The following SLC25A23 variants were observed in gnomAD, a reference collection of about 807,000 sequenced individuals.
SLC25A23 encodes solute carrier family 25 member 23, also known as mitochondrial adenyl nucleotide antiporter SLC25A23.
SLC25A23 carries 32 observed loss-of-function variants against 53.9 expected under a neutral mutation model. The observed-to-expected ratio is 0.59, with a 90% CI of 0.45 to 0.80. The LOEUF (loss-of-function observed/expected upper bound fraction) is 0.80. Ranked by LOEUF, SLC25A23 falls within the 30% of genes least tolerant of loss-of-function variation. The probability of loss-of-function intolerance (pLI) is 0.00; values close to 1 mark genes in which losing one functional copy is unlikely to be tolerated. For missense variants in SLC25A23, 575 were observed against 651.4 expected (o/e 0.88, Z 1.28); for synonymous variants, 275 against 264.5 (o/e 1.04, Z -0.38).
At chr19:6,451,117 T>C (rs2092582812) in intron 8 of SLC25A23, among the ~76,000 whole-genome samples, 2 of 139,512 alleles carry the variant, frequency 1.4e-5, no homozygotes, top group South Asian at 4.6e-4. Context: ...AGGCCTGGCA[T>C]GGTAGTTCAC....
chr19:6,443,689 A>T, intron 9 of SLC25A23: 1 of 690,512 alleles, frequency 1.4e-6, no homozygotes, highest in South Asian at 1.5e-5. Context: ...CAAACACTAA[A>T]ATTCTCAAGA....
Position 6,456,502 on chromosome 19 carries a change from T to G in SLC25A23, c.401A>C (p.Asp134Ala), listed in dbSNP as rs1046835568. 1 of 1,612,544 alleles carries G rather than the reference T, an allele frequency of 6.2e-7. No individual in the cohort carries two copies. Among genetic ancestry groups the G allele is most frequent in the Non-Finnish European group, 8.5e-7 (1 of 1,179,672 alleles). The change falls in exon 4 of 10, where the codon GAC becomes GCC. Residue 134 changes from aspartate (D) to alanine (A), a missense_variant. Coordinates refer to ENST00000301454, the MANE Select transcript of SLC25A23 (RefSeq NM_024103.3). Reference protein sequence around the residue: ...SMDRDGTMTIDWQEWRDHFLL... With the variant: ...SMDRDGTMTIAWQEWRDHFLL... ...GAAGTGGTCGCGCCATTCTTGCCAG[T>G]CAATGGTCATTGTGCCGTCTCGGTC...
At chr19:6,453,903 T>G in intron 7 of SLC25A23, 78 bp downstream of exon 7, 1 of 1,182,012 alleles carries the variant, frequency 8.5e-7, no homozygotes, top group Non-Finnish European at 1.2e-6. Context: ...CAATGGATAT[T>G]GTGAAATGCA....
intron 8 of SLC25A23, among the ~76,000 whole-genome samples, chr19:6,447,560 T>C (rs940161716): frequency 6.6e-6 from 1 of 152,204 alleles, no homozygotes; most frequent in Non-Finnish European, 1.5e-5. Context: ...CTCGGCTCAC[T>C]GCAACCCCAC....
At chr19:6,457,387 C>T (rs2092696791) in intron 3 of SLC25A23, 116 bp downstream of exon 3, 2 of 926,200 alleles carry the variant, frequency 2.2e-6, no homozygotes, top group Admixed American at 2.1e-5. Context: ...GACTTCAAAG[C>T]CCCAACCTCT....
rs755308946 is a variant in SLC25A23, at chr19:6,441,988, AC to A, written c.1393del (p.Val465SerfsTer83). The A allele has an allele frequency of 1.9e-6, 3 of 1,613,552 alleles. No homozygotes were observed. The Admixed American group carries it at 5.0e-5, about 27-fold the overall frequency. ...GCTCCGGGTCCCTCACCTGGACGTG[AC>A]CCCCAAGGCCTGCTTCATGTTCTCG... ...VYENMKQALG[V>X]TSR On this transcript the variant is annotated frameshift_variant, in exon 10 of 10. Transcript: ENST00000301454. LOFTEE classifies it high-confidence loss of function.
rs1269620851 is a variant in SLC25A23, at chr19:6,459,546, C to T, written c.83G>A (p.Arg28His). 4 of 1,599,016 alleles carry T rather than the reference C, an allele frequency of 2.5e-6. No individual in the cohort carries two copies. The highest frequency in any genetic ancestry group is 3.4e-6 in the Non-Finnish European group (4 of 1,177,004). The change falls in exon 1 of 10, where the codon CGC becomes CAC. Residue 28 changes from arginine (R) to histidine (H), a missense_variant. Transcript: ENST00000301454. This position sits in a 1 kb window ranked among gnomAD's most constrained non-coding sequence, Gnocchi z 4.6. ...CTGGCGCAACTCGTGCACGTCCACG[C>T]GGCCATCCTTGTTACTGTCCAGCTC... is the stretch of plus-strand genomic sequence containing the variant. The part of the protein sequence containing the change: ...FEELDSNKDG[R>H]VDVHELRQGL...
chr19:6,452,330 G>A lies in SLC25A23; in HGVS notation c.1053C>T (p.Ile351=), dbSNP rs1337278237. 2 of 1,612,786 alleles carry A rather than the reference G, an allele frequency of 1.2e-6. No homozygotes were observed. Among genetic ancestry groups the A allele is most frequent in the Non-Finnish European group, 1.7e-6 (2 of 1,179,426 alleles). ...NVLGIIPYAG[I]DLAVYETLKN... is the part of the protein sequence containing the mutation. Reference sequence around the variant, plus strand: ...CACAGACCTCGTAGACGGCCAGGTCGATGCCCGCATAGGGGATGATGCCCA... The same window carrying A: ...CACAGACCTCGTAGACGGCCAGGTCAATGCCCGCATAGGGGATGATGCCCA... Residue 351 remains isoleucine (I), a synonymous_variant, in exon 8 of 10, where the codon ATC becomes ATT. Transcript: ENST00000301454.
intron 8 of SLC25A23, among the ~76,000 whole-genome samples, chr19:6,449,777 T>C (rs1435777542): frequency 6.8e-6 from 1 of 147,748 alleles, no homozygotes; most frequent in African/African-American, 2.6e-5. Context: ...CAAGCAATCC[T>C]CCCACCTCGG....
intron 4 of SLC25A23, 89 bp downstream of exon 4, chr19:6,456,331 A>C (rs2092681819): frequency 7.5e-7 from 1 of 1,334,820 alleles, no homozygotes; most frequent in Admixed American, 1.8e-5. Context: ...GTCCTGGTCC[A>C]GCCCATCCAA....
At chr19:6,448,473 A>ATTT (rs72000629) in intron 8 of SLC25A23, among the ~76,000 whole-genome samples, 1 of 140,834 alleles carries the variant, frequency 7.1e-6, no homozygotes, top group African/African-American at 2.6e-5. Context: ...TAATCCCAGC[A>ATTT]TTTTTTTTTT....
chr19:6,458,890 G>A (rs1396951237), intron 1 of SLC25A23, among the ~76,000 whole-genome samples: 1 of 152,212 alleles, frequency 6.6e-6, no homozygotes, highest in Admixed American at 6.5e-5. Flanking sequence ...GGGGCTACAG[G>A]TGTGGGAAGG....
chr19:6,451,374 A>G (rs2092588186), intron 8 of SLC25A23, among the ~76,000 whole-genome samples: 1 of 152,178 alleles, frequency 6.6e-6, no homozygotes. Context: ...GGGCGACAAG[A>G]GCGAGACTCC....
At chr19:6,456,004 C>A (rs929899568) in intron 4 of SLC25A23, 2 of 1,295,106 alleles carry the variant, frequency 1.5e-6, no homozygotes, top group Non-Finnish European at 2.0e-6. Flanking sequence ...TAGGTGTGAG[C>A]CACTGCGCCT....
chr19:6,457,650 G>T, intron 2 of SLC25A23, 60 bp from the exon 3 acceptor site: 1 of 1,451,160 alleles, frequency 6.9e-7, no homozygotes, highest in Non-Finnish European at 9.7e-7. Context: ...GGGAACCCCA[G>T]GACCAAGGAT....
At position 6,444,260 on chromosome 19, in the gene SLC25A23, C is replaced by G; in HGVS notation, c.1113G>C (p.Ser371=). 6.2e-7 allele frequency: 1 copy of G among 1,604,868 alleles called. No individual in the cohort carries two copies. The highest frequency in any genetic ancestry group is 8.5e-7 in the Non-Finnish European group (1 of 1,176,300). Reference sequence around the variant, plus strand: ...GGAGCACGAGGATGCCTGGGTCTGCCGAGTCGTGGCTGTACTGCTGAAGCC... The same window carrying G: ...GGAGCACGAGGATGCCTGGGTCTGCGGAGTCGTGGCTGTACTGCTGAAGCC... ...NWWLQQYSHD[S]ADPGILVLLA... Residue 371 remains serine (S), a synonymous_variant, in exon 9 of 10, where the codon TCG becomes TCC. Transcript: ENST00000301454.
In SLC25A23 at chr19:6,452,341, A is replaced by T. The variant is rs2092604457; in HGVS notation, c.1042T>A (p.Tyr348Asn). The T allele has an allele frequency of 1.2e-6, 2 of 1,613,368 alleles. No individual in the cohort carries two copies. Among genetic ancestry groups the T allele is most frequent in the African/African-American group, 1.3e-5 (1 of 74,880 alleles). ...TAGACGGCCAGGTCGATGCCCGCAT[A>T]GGGGATGATGCCCAGCACGTTGGGG... ...YLPNVLGIIP[Y>N]AGIDLAVYET... The change falls in exon 8 of 10, where the codon TAT (tyrosine) becomes AAT (asparagine). Residue 348 changes from tyrosine to asparagine, a missense_variant. By Grantham distance (143) the Tyr-to-Asn change is moderately radical. Coordinates refer to ENST00000301454, the MANE Select transcript of SLC25A23 (RefSeq NM_024103.3).
downstream of SLC25A23, chr19:6,438,743 G>A: frequency 3.3e-6 from 1 of 305,460 alleles, no homozygotes; most frequent in Non-Finnish European, 7.0e-6. Flanking sequence ...CAGCTACTCT[G>A]GAGGCTGAGG....
rs771725226 is a variant in SLC25A23, at chr19:6,454,052, G to T, written c.832C>A (p.His278Asn). The T allele has an allele frequency of 1.2e-6, 2 of 1,613,470 alleles. No individual in the cohort carries two copies. The highest frequency in any genetic ancestry group is 1.7e-6 in the Non-Finnish European group (2 of 1,179,960). ...CCAGCCACGAAGCGCTCCTGCACAT[G>T]CAGTGTCTCCTGCTGCCCCAGGATG... ...RAILGQQETL[H>N]VQERFVAGSL... Residue 278 changes from histidine (H) to asparagine (N), a missense_variant, in exon 7 of 10, where the codon CAT becomes AAT. By Grantham distance (68) the His-to-Asn change is moderately conservative. Coordinates refer to ENST00000301454, the MANE Select transcript of SLC25A23 (RefSeq NM_024103.3). This position sits in a 1 kb window ranked among gnomAD's most constrained non-coding sequence, Gnocchi z 4.3.
Sources: allele counts gnomAD v4.1 joint callset (sites outside exome capture counted in the v4.1 genomes callset), GRCh38; gene constraint gnomAD v4.1.1; non-coding constraint Gnocchi (gnomAD v3.1); transcripts MANE v1.5; gene names NCBI Gene and HGNC (gene_info 2026-07-23, HGNC 2026-07-21).